The following DPY19L3 variants were observed in gnomAD, a reference collection of about 807,000 sequenced individuals.
The protein encoded by DPY19L3 is protein C-mannosyl-transferase DPY19L3.
Under a neutral mutation model 92.3 loss-of-function variants are expected in DPY19L3, and 51 were observed. The ratio of observed to expected loss-of-function variants is 0.55; its 90% CI spans 0.44 to 0.70. The LOEUF is 0.70. Ranked by LOEUF, DPY19L3 falls within the 30% of genes least tolerant of loss-of-function variation. The pLI is 0.00. For missense variants in DPY19L3, 706 were observed against 855.9 expected, an observed-to-expected ratio of 0.82 and a Z score of 2.18; for synonymous variants, 309 against 315.2, an observed-to-expected ratio of 0.98 and a Z score of 0.21.
chr19:32,441,467 A>AT lies in DPY19L3; in HGVS notation c.855+1563dup, dbSNP rs761378268. Among the ~76,000 whole-genome samples the AT allele has an allele frequency of 2.0e-4, 30 of 146,792 alleles. 1 individual carries two copies. The highest frequency in any genetic ancestry group is 3.5e-3 in the Middle Eastern group (1 of 286). The stretch of plus-strand genomic sequence containing the variant: ...TTCTTTTTGTTCTTTAGATCTTTTG[A>AT]TTTTTTCTGATAATGAACATGTGTC... On this transcript the variant is annotated intron_variant, in intron 8 of 18. Transcript: ENST00000392250.
At chr19:32,410,778 G>T (rs2145392960) in intron 2 of DPY19L3, among the ~76,000 whole-genome samples, 1 of 152,260 alleles carries the variant, frequency 6.6e-6, no homozygotes, top group South Asian at 2.1e-4. Context: ...ACAAGATCCT[G>T]TCTCAAAAAA....
chr19:32,414,513 G>A (rs1174367607), intron 3 of DPY19L3, among the ~76,000 whole-genome samples: 1 of 151,488 alleles, frequency 6.6e-6, no homozygotes, highest in Non-Finnish European at 1.5e-5. Context: ...AGAATTGCTT[G>A]AACTCAGGAG....
chr19:32,431,777 T>C (rs761329755), intron 3 of DPY19L3, among the ~76,000 whole-genome samples: 1 of 152,230 alleles, frequency 6.6e-6, no homozygotes, highest in Non-Finnish European at 1.5e-5. Context: ...ACCATCCCAG[T>C]GGACAGTCTA....
rs1220875575 is a variant in DPY19L3 at position 32,436,700 on chromosome 19, T to C, written c.450+133T>C. On this transcript the variant is annotated intron_variant, in intron 5 of 18. Transcript: ENST00000392250. ...AAAATCAGCAATACTATATTTTTTTTCCATGTATATTATGAACTTTATAAG... is the reference window on the plus strand; with the variant it reads ...AAAATCAGCAATACTATATTTTTTTCCCATGTATATTATGAACTTTATAAG... The C allele has an allele frequency of 6.1e-6, 5 of 824,714 alleles. No individual in the cohort carries two copies. In the Admixed American group the frequency reaches 1.2e-4, roughly 19 times the overall value. The allele number at this position is 824,714 out of a possible 1,614,324, so 51.1% of individuals were successfully genotyped here.
At chr19:32,418,148 A>C (rs1968438992) in intron 3 of DPY19L3, among the ~76,000 whole-genome samples, 1 of 152,130 alleles carries the variant, frequency 6.6e-6, no homozygotes, top group Non-Finnish European at 1.5e-5. Context: ...AAGCTATAAA[A>C]CAGGCGCTTT....
At chr19:32,408,418 A>G (rs1303374400) in intron 2 of DPY19L3, 62 bp downstream of exon 2, 1 of 1,235,128 alleles carries the variant, frequency 8.1e-7, no homozygotes, top group Non-Finnish European at 1.2e-6. Flanking sequence ...TTAAAATGTC[A>G]CTCTCCAATA....
At chr19:32,462,000 C>G (rs920958427) in intron 12 of DPY19L3, among the ~76,000 whole-genome samples, 4 of 152,118 alleles carry the variant, frequency 2.6e-5, no homozygotes, top group African/African-American at 9.7e-5. Context: ...GTTTCACACC[C>G]TTTCTATACT....
chr19:32,458,557 C>T (rs948176808), intron 12 of DPY19L3, 48 bp downstream of exon 12: 2 of 1,553,260 alleles, frequency 1.3e-6, no homozygotes, highest in South Asian at 2.4e-5. Flanking sequence ...TGAACTTGTT[C>T]CATGTTGCAG....
chr19:32,485,014 GAGA>G lies in DPY19L3; in HGVS notation c.*2780_*2782del, dbSNP rs909904995. The G allele has an allele frequency of 1.9e-4, 29 of 152,266 alleles. No homozygotes were observed. Among genetic ancestry groups the G allele is most frequent in the African/African-American group, 6.0e-4 (25 of 41,552 alleles). 9.4% of individuals were successfully genotyped at this position (152,266 alleles called of 1,614,324 possible). On this transcript the variant is annotated 3_prime_UTR_variant, in exon 19 of 19. Transcript: ENST00000392250. ...ATCCCACCTTTAAAACCTCTAAACT[GAGA>G]AGAAGGGACCCAAATCATGTTATTG...
chr19:32,469,536 C>T (rs963481445), intron 16 of DPY19L3, among the ~76,000 whole-genome samples: 1 of 151,786 alleles, frequency 6.6e-6, no homozygotes, highest in African/African-American at 2.4e-5. Context: ...AATATTCTTT[C>T]CTTGTTTTTT....
At chr19:32,466,141 T>C (rs1175937442) in intron 15 of DPY19L3, among the ~76,000 whole-genome samples, 1 of 152,222 alleles carries the variant, frequency 6.6e-6, no homozygotes. Context: ...ACTGATTTTT[T>C]TAAGCTATTT....
At chr19:32,407,298 G>A (rs1373692718) in intron 1 of DPY19L3, among the ~76,000 whole-genome samples, 7 of 68,554 alleles carry the variant, frequency 1.0e-4, no homozygotes, top group Non-Finnish European at 1.9e-4. Flanking sequence ...GACGCTCCCT[G>A]GGATAGCAGC....
At chr19:32,479,008 C>T (rs1970595039) in intron 17 of DPY19L3, among the ~76,000 whole-genome samples, 1 of 152,048 alleles carries the variant, frequency 6.6e-6, no homozygotes, top group Admixed American at 6.6e-5. Flanking sequence ...GTCAGCAGTG[C>T]AGGAAGGTGC....
Position 32,454,767 on chromosome 19 carries a change from A to G in DPY19L3, c.988-172A>G, listed in dbSNP as rs184964399. Reference sequence around the variant, plus strand: ...GATTCATTTACTACTAGAAAATCACAAATATTAAGACAGTGTAACCTCATG... The same window carrying G: ...GATTCATTTACTACTAGAAAATCACGAATATTAAGACAGTGTAACCTCATG... On this transcript the variant is annotated intron_variant, in intron 9 of 18. Transcript: ENST00000392250. Among the ~76,000 whole-genome samples, 3 of 152,326 alleles carry G rather than the reference A, an allele frequency of 2.0e-5. No individual in the cohort carries two copies. The East Asian group carries it at 5.8e-4, about 29-fold the overall frequency.
Position 32,476,002 on chromosome 19 carries a change from T to C in DPY19L3, c.1698-1520T>C, listed in dbSNP as rs534857211. Among the ~76,000 whole-genome samples the C allele has an allele frequency of 6.6e-5, 10 of 152,344 alleles. No homozygotes were observed. The South Asian group carries it at 1.9e-3, about 28-fold the overall frequency. ...TTTTTTCCTCACTTAAGAACGCTTA[T>C]TGGAATGCAAGTGAATGAGAGTGTC... On this transcript the variant is annotated intron_variant, in intron 16 of 18. Coordinates refer to ENST00000392250, the MANE Select transcript of DPY19L3 (RefSeq NM_001172774.2).
intron 6 of DPY19L3, 107 bp downstream of exon 6, chr19:32,437,446 G>T: frequency 7.4e-7 from 1 of 1,342,522 alleles, no homozygotes. Context: ...GTTTGGTTGG[G>T]AGCAGTTTCT....
chr19:32,421,939 T>C lies in DPY19L3; in HGVS notation c.237+10567T>C, dbSNP rs568731167. Among the ~76,000 whole-genome samples, 16 of 152,230 alleles carry C rather than the reference T, an allele frequency of 1.1e-4. No homozygotes were observed. In the South Asian group the frequency reaches 3.3e-3, roughly 32 times the overall value. ...TGCATTTCGAAGATCCCCAAAGCTA[T>C]CAAGTTCTGTTGACTAAAATGAGGA... On this transcript the variant is annotated intron_variant, in intron 3 of 18. Transcript: ENST00000392250.
chr19:32,477,351 C>T (rs1970542303), intron 16 of DPY19L3, 171 bp from the exon 17 acceptor site: 1 of 761,952 alleles, frequency 1.3e-6, no homozygotes, highest in Non-Finnish European at 2.0e-6. Context: ...TACTTTTGCA[C>T]TCAATAGTTT....
chr19:32,440,147 A>G (rs565163204), intron 8 of DPY19L3, among the ~76,000 whole-genome samples: 1 of 152,356 alleles, frequency 6.6e-6, no homozygotes, highest in South Asian at 2.1e-4. Context: ...TTGGGGCATA[A>G]ATGCCTAGGT....
Sources: allele counts gnomAD v4.1 joint callset (sites outside exome capture counted in the v4.1 genomes callset), GRCh38; gene constraint gnomAD v4.1.1; transcripts MANE v1.5; gene names NCBI Gene and HGNC (gene_info 2026-07-23, HGNC 2026-07-21).